TMEM168: variants seen among roughly 807,000 people sequenced by gnomAD.
TMEM168 encodes the protein transmembrane protein 168.
In TMEM168, 40 loss-of-function variants were observed where a neutral mutation model predicts 53.2. That is an observed-to-expected ratio of 0.75 (90% CI 0.58 to 0.98). The LOEUF (loss-of-function observed/expected upper bound fraction) is 0.98. TMEM168 is among the 50% of genes least tolerant of loss of function. The probability of loss-of-function intolerance (pLI) is 0.00; values close to 1 mark genes in which losing one functional copy is unlikely to be tolerated. For missense variants in TMEM168, 771 were observed against 828.8 expected (o/e 0.93, Z 0.86); for synonymous variants, 282 against 293.0 (o/e 0.96, Z 0.38).
At chr7:112,775,429 G>T (rs1793052800) in intron 2 of TMEM168, 111 bp from the exon 3 acceptor site, 3 of 963,772 alleles carry the variant, frequency 3.1e-6, no homozygotes, top group East Asian at 5.8e-5. Flanking sequence ...AAGGATAAAA[G>T]GAACAATTAA....
chr7:112,771,335 G>C (rs1395367483), intron 4 of TMEM168, among the ~76,000 whole-genome samples: 2 of 152,108 alleles, frequency 1.3e-5, no homozygotes, highest in African/African-American at 4.8e-5. Context: ...GGCAGATCTG[G>C]TCTTAAATCA....
intron 1 of TMEM168, among the ~76,000 whole-genome samples, chr7:112,789,918 C>T (rs190108838): frequency 7.6e-4 from 116 of 152,356 alleles, no homozygotes; most frequent in Middle Eastern, 3.4e-3. Flanking sequence ...CTCCACCATC[C>T]TCTGCCTCGG....
chr7:112,778,348 A>T (rs1280295770), intron 2 of TMEM168: 1 of 152,210 alleles, frequency 6.6e-6, no homozygotes, highest in South Asian at 2.1e-4. Flanking sequence ...AAGGCACCGC[A>T]TTGAGTCTTT....
At position 112,763,118 on chromosome 7, in the gene TMEM168, A is replaced by G. The variant is rs1022423887; in HGVS notation, c.*4079T>C. On this transcript the variant is annotated 3_prime_UTR_variant, in exon 5 of 5. Transcript: ENST00000312814. ...TTAATGATATTAGAGTCATGATGGAAATGGACTCAACTCACAAAAAGCCAT... is the reference window on the plus strand; with the variant it reads ...TTAATGATATTAGAGTCATGATGGAGATGGACTCAACTCACAAAAAGCCAT... 1.3e-5 allele frequency: 2 copies of G among 152,060 alleles called. No individual in the cohort carries two copies. The highest frequency in any genetic ancestry group is 6.6e-5 in the Admixed American group (1 of 15,266). The allele number at this position is 152,060 out of a possible 1,614,324, so 9.4% of individuals were successfully genotyped here.
intron 1 of TMEM168, among the ~76,000 whole-genome samples, chr7:112,785,656 C>A (rs1793358830): frequency 6.6e-6 from 1 of 152,136 alleles, no homozygotes; most frequent in Non-Finnish European, 1.5e-5. Flanking sequence ...AAATGAAAAA[C>A]TGAAATGCTC....
intron 1 of TMEM168, 89 bp downstream of exon 1, chr7:112,790,071 G>A (rs996320978): frequency 6.6e-6 from 1 of 152,282 alleles, no homozygotes; most frequent in South Asian, 2.1e-4. Flanking sequence ...GAGGCCGACT[G>A]GGCGGAGCTT....
In TMEM168 at chr7:112,784,465, C is replaced by T. The variant is rs777046072; in HGVS notation, c.361G>A (p.Glu121Lys). ...NSSFKNDVKE[E>K]STKYLLLTSI... ...GTTAGAAGCAAATATTTGGTTGATT[C>T]TTCTTTTACATCATTTTTAAAGGAT... The change falls in exon 2 of 5, where the codon GAA becomes AAA. Residue 121 changes from glutamate to lysine, a missense_variant. By Grantham distance (56) the Glu-to-Lys change is moderately conservative. Transcript: ENST00000312814. 1.2e-6 allele frequency: 2 copies of T among 1,613,968 alleles called. No individual in the cohort carries two copies. Among genetic ancestry groups the T allele is most frequent in the Non-Finnish European group, 1.7e-6 (2 of 1,179,964 alleles).
intron 2 of TMEM168, 25 bp from the exon 3 acceptor site, chr7:112,775,343 A>C (rs1017452879): frequency 6.2e-7 from 1 of 1,603,700 alleles, no homozygotes; most frequent in Non-Finnish European, 8.5e-7. Context: ...AAACATGTTT[A>C]CATAGTACAT....
At position 112,772,842 on chromosome 7, in the gene TMEM168, A is replaced by G; in HGVS notation, c.1485T>C (p.His495=). 6.2e-7 allele frequency: 1 copy of G among 1,614,094 alleles called. No individual in the cohort carries two copies. Among genetic ancestry groups the G allele is most frequent in the Non-Finnish European group, 8.5e-7 (1 of 1,179,964 alleles). Residue 495 remains histidine (H), a synonymous_variant, in exon 4 of 5, where the codon CAT becomes CAC. Coordinates refer to ENST00000312814, the MANE Select transcript of TMEM168 (RefSeq NM_022484.6). ...LELRTVDGPR[H]DTYILYYSGH... is the part of the protein sequence containing the mutation. Reference sequence around the variant, plus strand: ...CACTGTAATACAAAATATACGTATCATGTCTGGGTCCATCCACTGTCCGAA... The same window carrying G: ...CACTGTAATACAAAATATACGTATCGTGTCTGGGTCCATCCACTGTCCGAA...
rs1460528195 is a variant in TMEM168 at position 112,765,693 on chromosome 7, A to G, written c.*1504T>C. On this transcript the variant is annotated 3_prime_UTR_variant, in exon 5 of 5. Coordinates refer to ENST00000312814, the MANE Select transcript of TMEM168 (RefSeq NM_022484.6). ...AATGACTACCACTTTTAATAAATAT[A>G]CTAAAATATTCAATATTTGCACATC... 1 of 152,542 alleles carries G rather than the reference A, an allele frequency of 6.6e-6. No homozygotes were observed. Among genetic ancestry groups the G allele is most frequent in the African/African-American group, 2.4e-5 (1 of 41,450 alleles). The allele number at this position is 152,542 out of a possible 1,614,324, so 9.4% of individuals were successfully genotyped here. A position where few individuals can be genotyped will look rare whatever the true frequency, so the allele number is the denominator to read the frequency against.
intron 1 of TMEM168, 32 bp from the exon 2 acceptor site, chr7:112,784,985 AT>A: frequency 1.9e-6 from 1 of 513,464 alleles, no homozygotes; most frequent in Non-Finnish European, 3.1e-6. Flanking sequence ...TTCAGAGTTA[AT>A]TTTATATAAT....
intron 1 of TMEM168, among the ~76,000 whole-genome samples, chr7:112,786,913 A>T (rs886867736): frequency 1.3e-5 from 2 of 152,080 alleles, no homozygotes; most frequent in Non-Finnish European, 2.9e-5. Flanking sequence ...ATCAAAAGGG[A>T]GCTCACTTGA....
rs371099672 is a variant in TMEM168, at chr7:112,776,755, TG to T, written c.1129-1438del. On this transcript the variant is annotated intron_variant, in intron 2 of 4. Transcript: ENST00000312814. ...TTTCACAAATACATATTCATGTGTATGTTTTTTTTTTTTACCAAAATGGGAT... is the reference window on the plus strand; with the variant it reads ...TTTCACAAATACATATTCATGTGTATTTTTTTTTTTTTACCAAAATGGGAT... Among the ~76,000 whole-genome samples the T allele has an allele frequency of 3.0e-4, 45 of 150,414 alleles. No individual in the cohort carries two copies. In the East Asian group the frequency reaches 5.8e-3, roughly 19 times the overall value.
At chr7:112,771,467 AAAGATT>A (rs765081055) in intron 4 of TMEM168, among the ~76,000 whole-genome samples, 16 of 152,228 alleles carry the variant, frequency 1.1e-4, no homozygotes, top group Non-Finnish European at 2.2e-4. Context: ...GATTTCACAT[AAAGATT>A]AACAATGTGT....
Position 112,767,002 on chromosome 7 carries a change from C to G in TMEM168, c.*195G>C. 1.7e-6 allele frequency: 1 copy of G among 580,522 alleles called. No homozygotes were observed. Among genetic ancestry groups the G allele is most frequent in the Non-Finnish European group, 3.0e-6 (1 of 334,988 alleles). 36.0% of individuals were successfully genotyped at this position (580,522 alleles called of 1,614,324 possible). A position where few individuals can be genotyped will look rare whatever the true frequency, so the allele number is the denominator to read the frequency against. On this transcript the variant is annotated 3_prime_UTR_variant, in exon 5 of 5. Coordinates refer to ENST00000312814, the MANE Select transcript of TMEM168 (RefSeq NM_022484.6). ...GCATTTACAGTAAGCATTTGACTCC[C>G]TACATACTTTCATTATAAAATGTTT...
At chr7:112,778,115 A>T (rs1222760560) in intron 2 of TMEM168, 1 of 152,198 alleles carries the variant, frequency 6.6e-6, no homozygotes, top group Admixed American at 6.6e-5. Context: ...CCCAGGTTGA[A>T]CCACCAACAG....
chr7:112,781,921 C>A (rs1453367533), intron 2 of TMEM168, among the ~76,000 whole-genome samples: 1 of 152,092 alleles, frequency 6.6e-6, no homozygotes, highest in East Asian at 1.9e-4. Flanking sequence ...GAAAACTCTT[C>A]AAAAATTTGT....
At chr7:112,782,637 T>C (rs1483785066) in intron 2 of TMEM168, among the ~76,000 whole-genome samples, 1 of 152,212 alleles carries the variant, frequency 6.6e-6, no homozygotes, top group Non-Finnish European at 1.5e-5. Flanking sequence ...ATCCCTGCCC[T>C]AGCCCAGCTG....
intron 2 of TMEM168, chr7:112,778,366 A>G (rs1283008718): frequency 6.6e-6 from 1 of 152,246 alleles, no homozygotes; most frequent in Non-Finnish European, 1.5e-5. Context: ...TTTTCATCCC[A>G]GGAAGTATGG....
Sources: allele counts gnomAD v4.1 joint callset (sites outside exome capture counted in the v4.1 genomes callset), GRCh38; gene constraint gnomAD v4.1.1; transcripts MANE v1.5; gene names NCBI Gene and HGNC (gene_info 2026-07-23, HGNC 2026-07-21).